The following FNIP1 variants were observed in gnomAD, a reference collection of about 807,000 sequenced individuals.
The protein encoded by FNIP1 is folliculin interacting protein 1, also known as folliculin-interacting protein 1.
A neutral mutation model predicts 124.5 loss-of-function variants in FNIP1; 40 were observed. The ratio of observed to expected loss-of-function variants is 0.32; its 90% confidence interval spans 0.25 to 0.42. The LOEUF (loss-of-function observed/expected upper bound fraction) is 0.42, where lower values mean the gene tolerates loss of function less well. Ranked by LOEUF, FNIP1 falls within the 10% of genes least tolerant of loss-of-function variation. The probability of loss-of-function intolerance (pLI) is 1.00; values close to 1 mark genes in which losing one functional copy is unlikely to be tolerated. For missense variants in FNIP1, 1,176 were observed against 1,403.7 expected (o/e 0.84, Z 2.59); for synonymous variants, 472 against 470.6 (o/e 1.00, Z -0.04).
rs527394267 is a variant in FNIP1, at chr5:131,751,801, T to C, written c.93-7111A>G. On this transcript the variant is annotated intron_variant, in intron 1 of 17. Transcript: ENST00000510461. Reference sequence around the variant, plus strand: ...TTCCATTTACATGACTTGTCCAGAATAGGCAAATCCATAATGACTGCAATG... The same window carrying C: ...TTCCATTTACATGACTTGTCCAGAACAGGCAAATCCATAATGACTGCAATG... Among the ~76,000 whole-genome samples, 3 of 152,234 alleles carry C rather than the reference T, an allele frequency of 2.0e-5. No homozygotes were observed. In the South Asian group the frequency reaches 6.2e-4, roughly 32 times the overall value.
intron 4 of FNIP1, 98 bp downstream of exon 4, chr5:131,719,219 C>A: frequency 8.3e-7 from 1 of 1,205,660 alleles, no homozygotes; most frequent in Non-Finnish European, 1.2e-6. Flanking sequence ...TGGAGTATGA[C>A]AAGCTCAATC....
At chr5:131,740,385 G>A (rs1051989289) in intron 2 of FNIP1, among the ~76,000 whole-genome samples, 51 of 152,156 alleles carry the variant, frequency 3.4e-4, no homozygotes, top group African/African-American at 1.2e-3. Flanking sequence ...CGATGCTTCG[G>A]AGTGTTTCTC....
chr5:131,727,469 AG>A (rs1052119093), intron 3 of FNIP1, among the ~76,000 whole-genome samples: 73 of 152,214 alleles, frequency 4.8e-4, no homozygotes, highest in African/African-American at 1.7e-3. Flanking sequence ...GCTGGTTTAA[AG>A]TCTGTTTTAT....
chr5:131,740,062 C>T (rs1390585508), intron 2 of FNIP1, among the ~76,000 whole-genome samples: 15 of 152,108 alleles, frequency 9.9e-5, no homozygotes, highest in Admixed American at 9.8e-4. Flanking sequence ...GCACTTTGGA[C>T]AACTTTATAA....
At chr5:131,663,269 A>G (rs998630373) in intron 15 of FNIP1, among the ~76,000 whole-genome samples, 1 of 152,218 alleles carries the variant, frequency 6.6e-6, no homozygotes, top group Non-Finnish European at 1.5e-5. Flanking sequence ...ACTTAATTAA[A>G]TAGCTGATAT....
At chr5:131,703,927 C>T in intron 10 of FNIP1, 138 bp downstream of exon 10, 1 of 638,860 alleles carries the variant, frequency 1.6e-6, no homozygotes, top group Non-Finnish European at 2.7e-6. Context: ...AGGGTTCAAT[C>T]TATTTGCATC....
At chr5:131,714,482 A>C (rs772421848) in intron 6 of FNIP1, among the ~76,000 whole-genome samples, 18 of 152,090 alleles carry the variant, frequency 1.2e-4, no homozygotes, top group Non-Finnish European at 2.2e-4. Flanking sequence ...ACTACACTAC[A>C]CCAAGCATTA....
chr5:131,734,800 C>T (rs1213036850), intron 2 of FNIP1, among the ~76,000 whole-genome samples: 1 of 152,120 alleles, frequency 6.6e-6, no homozygotes, highest in African/African-American at 2.4e-5. Context: ...ATTAAAAAGT[C>T]AGGAAACAAC....
chr5:131,795,143 A>C (rs1370214991), intron 1 of FNIP1, among the ~76,000 whole-genome samples: 1 of 152,090 alleles, frequency 6.6e-6, no homozygotes, highest in Non-Finnish European at 1.5e-5. Flanking sequence ...CACATGCACA[A>C]GTTTTATTTT....
At chr5:131,695,772 A>G (rs1768672006) in intron 11 of FNIP1, among the ~76,000 whole-genome samples, 1 of 152,250 alleles carries the variant, frequency 6.6e-6, no homozygotes, top group Non-Finnish European at 1.5e-5. Context: ...TTTATTAAAA[A>G]AACACAGTAG....
intron 1 of FNIP1, among the ~76,000 whole-genome samples, chr5:131,763,474 T>C (rs1160319446): frequency 6.6e-6 from 1 of 152,206 alleles, no homozygotes; most frequent in Non-Finnish European, 1.5e-5. Flanking sequence ...GGAAGCATGA[T>C]ACTGGCATCT....
At chr5:131,788,594 G>T in intron 1 of FNIP1, among the ~76,000 whole-genome samples, 2 of 151,322 alleles carry the variant, frequency 1.3e-5, no homozygotes, top group Non-Finnish European at 1.5e-5. Flanking sequence ...CCAGCTACTC[G>T]GGAGGCTGAG....
At chr5:131,768,469 T>G (rs1005356045) in intron 1 of FNIP1, among the ~76,000 whole-genome samples, 4 of 150,670 alleles carry the variant, frequency 2.7e-5, no homozygotes, top group African/African-American at 9.7e-5. Flanking sequence ...TACACAGTTT[T>G]TTTTTTTTTT....
intron 1 of FNIP1, among the ~76,000 whole-genome samples, chr5:131,756,566 A>G (rs1405313566): frequency 1.3e-5 from 2 of 152,206 alleles, no homozygotes; most frequent in African/African-American, 4.8e-5. Flanking sequence ...AAGATCACAG[A>G]GAAGTTAAGA....
In FNIP1 at chr5:131,671,589, C is replaced by A. The variant is rs150874654; in HGVS notation, c.2855G>T (p.Gly952Val). ...GCTAACTTGTCTAGTCATATCATGA[C>A]CTGTATCTTCACTTTCACTATCCCC... ...ALGDSESEDT[G>V]HDMTRQVSSY... Residue 952 changes from glycine (G) to valine (V), a missense_variant, in exon 14 of 18, where the codon GGT becomes GTT. By Grantham distance (109) the Gly-to-Val change is moderately radical. Transcript: ENST00000510461. 2.0e-5 allele frequency: 32 copies of A among 1,613,880 alleles called. No individual in the cohort carries two copies. Among genetic ancestry groups the A allele is most frequent in the Non-Finnish European group, 2.5e-5 (29 of 1,180,000 alleles).
chr5:131,739,171 G>A (rs1017051604), intron 2 of FNIP1, among the ~76,000 whole-genome samples: 1 of 151,818 alleles, frequency 6.6e-6, no homozygotes, highest in African/African-American at 2.4e-5. Flanking sequence ...TTTTTCTTTT[G>A]TAATGTTATA....
chr5:131,728,138 T>A (rs2149548274), intron 3 of FNIP1, among the ~76,000 whole-genome samples: 1 of 152,328 alleles, frequency 6.6e-6, no homozygotes, highest in African/African-American at 2.4e-5. Context: ...CCTTGGTGAA[T>A]CTGACGATTA....
intron 13 of FNIP1, among the ~76,000 whole-genome samples, chr5:131,675,727 G>A (rs1157983840): frequency 2.0e-5 from 3 of 152,092 alleles, no homozygotes; most frequent in Non-Finnish European, 4.4e-5. Flanking sequence ...GAGAAGTTGG[G>A]GAGAAGGAGA....
intron 1 of FNIP1, among the ~76,000 whole-genome samples, chr5:131,795,436 T>C (rs1293776493): frequency 6.6e-6 from 1 of 152,250 alleles, no homozygotes; most frequent in African/African-American, 2.4e-5. Flanking sequence ...AAGTCAATCT[T>C]TGTCCAGAAA....
Sources: allele counts gnomAD v4.1 joint callset (sites outside exome capture counted in the v4.1 genomes callset), GRCh38; gene constraint gnomAD v4.1.1; transcripts MANE v1.5; gene names NCBI Gene and HGNC (gene_info 2026-07-23, HGNC 2026-07-21).